MDFIC2: variants seen among roughly 807,000 people sequenced by gnomAD.
The protein encoded by MDFIC2 is myoD family inhibitor domain-containing protein 2.
At chr3:70,211,634 CCCTTCCCTTT>C (rs1701350522) in intron 2 of MDFIC2, among the ~76,000 whole-genome samples, 1 of 126,128 alleles carries the variant, frequency 7.9e-6, no homozygotes, top group Admixed American at 8.2e-5. Flanking sequence ...CCTTTCCCTT[CCCTTCCCTTT>C]GCCTTTCCCT....
intron 2 of MDFIC2, among the ~76,000 whole-genome samples, chr3:70,310,756 T>C (rs1408299337): frequency 6.6e-6 from 1 of 152,182 alleles, no homozygotes; most frequent in Non-Finnish European, 1.5e-5. Context: ...GGTGTTGATT[T>C]CAACACTGTA....
chr3:70,306,067 G>T (rs565244523), intron 2 of MDFIC2, among the ~76,000 whole-genome samples: 2 of 151,996 alleles, frequency 1.3e-5, no homozygotes, highest in African/African-American at 4.8e-5. Flanking sequence ...AAGTTTAGAG[G>T]CATTTCCTCC....
intron 2 of MDFIC2, among the ~76,000 whole-genome samples, chr3:70,287,963 G>C (rs934308177): frequency 6.6e-6 from 1 of 151,756 alleles, no homozygotes; most frequent in Non-Finnish European, 1.5e-5. Context: ...TTCTTTATTA[G>C]TCTTGCTAGC....
intron 3 of MDFIC2, among the ~76,000 whole-genome samples, chr3:70,201,454 A>G (rs1257444839): frequency 4.6e-5 from 7 of 152,080 alleles, no homozygotes; most frequent in Admixed American, 6.6e-5. Flanking sequence ...TCATTGATGG[A>G]CATTTAGTTT....
chr3:70,307,121 A>C (rs985808826), intron 2 of MDFIC2, among the ~76,000 whole-genome samples: 3 of 152,168 alleles, frequency 2.0e-5, no homozygotes, highest in Non-Finnish European at 4.4e-5. Context: ...CAGAAGCTGC[A>C]AACTGGCAGT....
intron 2 of MDFIC2, among the ~76,000 whole-genome samples, chr3:70,248,603 G>C (rs1701730767): frequency 6.6e-6 from 1 of 152,090 alleles, no homozygotes; most frequent in Non-Finnish European, 1.5e-5. Flanking sequence ...GAAGGGACAA[G>C]ATTGGATTAG....
chr3:70,260,779 G>T (rs1404352971), intron 2 of MDFIC2, among the ~76,000 whole-genome samples: 1 of 151,746 alleles, frequency 6.6e-6, no homozygotes, highest in Non-Finnish European at 1.5e-5. Context: ...ATTATTGCTA[G>T]CTCCAAGGTA....
At chr3:70,201,563 G>A (rs1460304169) in intron 3 of MDFIC2, among the ~76,000 whole-genome samples, 1 of 152,130 alleles carries the variant, frequency 6.6e-6, no homozygotes, top group Admixed American at 6.5e-5. Flanking sequence ...TATGATCCCT[G>A]TTTATGGATG....
At chr3:70,243,599 G>T (rs1483378263) in intron 2 of MDFIC2, among the ~76,000 whole-genome samples, 2 of 152,116 alleles carry the variant, frequency 1.3e-5, no homozygotes, top group African/African-American at 4.8e-5. Flanking sequence ...TGTCGTGGGG[G>T]TGCTGTGCTA....
At chr3:70,209,033 G>A (rs1701316979) in intron 2 of MDFIC2, among the ~76,000 whole-genome samples, 2 of 152,014 alleles carry the variant, frequency 1.3e-5, no homozygotes, top group South Asian at 2.1e-4. Flanking sequence ...TAACCCAAGA[G>A]GGATTCACCA....
At chr3:70,275,219 A>T (rs1702012005) in intron 2 of MDFIC2, among the ~76,000 whole-genome samples, 1 of 152,218 alleles carries the variant, frequency 6.6e-6, no homozygotes, top group Non-Finnish European at 1.5e-5. Flanking sequence ...AGCATTCATG[A>T]TGATTAAGAA....
intron 2 of MDFIC2, among the ~76,000 whole-genome samples, chr3:70,242,395 T>C (rs939764147): frequency 8.6e-5 from 13 of 151,052 alleles, no homozygotes; most frequent in Admixed American, 5.9e-4. Context: ...GGAAAATTTC[T>C]TTTTGTAGAA....
chr3:70,216,813 A>G (rs761662412), intron 2 of MDFIC2, among the ~76,000 whole-genome samples: 3 of 152,114 alleles, frequency 2.0e-5, no homozygotes, highest in South Asian at 4.1e-4. Context: ...ATATTTGGCA[A>G]TGTCTGGAGA....
intron 2 of MDFIC2, among the ~76,000 whole-genome samples, chr3:70,286,699 T>C (rs149766177): frequency 0.37 from 56,396 of 151,600 alleles, 10,945 homozygotes; most frequent in East Asian, 0.62. Context: ...GAGCATGGAA[T>C]GTTCTTCCAT....
At chr3:70,305,220 C>CT (rs979978580) in intron 2 of MDFIC2, among the ~76,000 whole-genome samples, 50 of 151,624 alleles carry the variant, frequency 3.3e-4, no homozygotes, top group Non-Finnish European at 6.0e-4. Flanking sequence ...ATTTTCACAT[C>CT]TTTTTTTTTC....
chr3:70,265,258 G>C (rs1488838847), intron 2 of MDFIC2, among the ~76,000 whole-genome samples: 1 of 152,146 alleles, frequency 6.6e-6, no homozygotes, highest in Non-Finnish European at 1.5e-5. Flanking sequence ...TGAGATATAG[G>C]GGATTGAAAG....
At chr3:70,252,389 G>A (rs1292704782) in intron 2 of MDFIC2, among the ~76,000 whole-genome samples, 2 of 152,164 alleles carry the variant, frequency 1.3e-5, no homozygotes, top group Non-Finnish European at 2.9e-5. Flanking sequence ...TTAGACAATT[G>A]GGTGTTGGGG....
chr3:70,244,296 G>A (rs1198658899), intron 2 of MDFIC2, among the ~76,000 whole-genome samples: 2 of 152,136 alleles, frequency 1.3e-5, no homozygotes, highest in African/African-American at 2.4e-5. Context: ...AAATGCTGCC[G>A]ACCACTGCAG....
intron 2 of MDFIC2, among the ~76,000 whole-genome samples, chr3:70,278,240 T>G (rs9682662): frequency 6.6e-6 from 1 of 152,168 alleles, no homozygotes; most frequent in African/African-American, 2.4e-5. Context: ...GAAAGATTCA[T>G]TTACATTCTT....
Sources: allele counts gnomAD v4.1 joint callset (sites outside exome capture counted in the v4.1 genomes callset), GRCh38; gene constraint gnomAD v4.1.1; transcripts MANE v1.5; gene names NCBI Gene and HGNC (gene_info 2026-07-23, HGNC 2026-07-21).